The following CERKL variants were observed in gnomAD, a reference collection of about 807,000 sequenced individuals.
CERKL encodes ceramide kinase-like protein.
In CERKL, 61 loss-of-function variants were observed where a neutral mutation model predicts 63.4. The observed-to-expected ratio is 0.96, with a 90% CI of 0.78 to 1.19. The LOEUF is 1.19. Among genes scored for constraint, CERKL ranks in the 50% most tolerant of loss-of-function variants. The pLI is 0.00. For synonymous variants in CERKL, 250 were observed against 230.5 expected, an observed-to-expected ratio of 1.08 and a Z score of -0.77; for missense variants, 675 against 655.5, an observed-to-expected ratio of 1.03 and a Z score of -0.33.
chr2:181,548,492 G>A (rs1687832438), intron 8 of CERKL, 53 bp downstream of exon 8: 1 of 1,263,144 alleles, frequency 7.9e-7, no homozygotes, highest in Admixed American at 1.8e-5. Context: ...TTGTCAGAAT[G>A]TTTTATGCTT....
At chr2:181,624,952 A>G (rs57121978) in intron 1 of CERKL, among the ~76,000 whole-genome samples, 27,268 of 152,148 alleles carry the variant, frequency 0.18, 3,884 homozygotes, top group African/African-American at 0.39. Flanking sequence ...AATTCAGAGG[A>G]GAGGTCTAGA....
At chr2:181,599,925 A>T (rs1008751985) in intron 2 of CERKL, among the ~76,000 whole-genome samples, 1 of 152,178 alleles carries the variant, frequency 6.6e-6, no homozygotes, top group Admixed American at 6.5e-5. Context: ...TCAACACCAA[A>T]GAAAAAATAT....
At chr2:181,576,421 G>A (rs1457002648) in intron 2 of CERKL, among the ~76,000 whole-genome samples, 1 of 152,190 alleles carries the variant, frequency 6.6e-6, no homozygotes, top group Non-Finnish European at 1.5e-5. Context: ...TGTGATTCTT[G>A]ATTGGGTTTT....
chr2:181,641,177 A>T (rs1687404563), intron 1 of CERKL, among the ~76,000 whole-genome samples: 1 of 152,086 alleles, frequency 6.6e-6, no homozygotes. Context: ...CATGAAAAAT[A>T]CAATGATTTC....
At chr2:181,548,912 C>A in intron 6 of CERKL, 55 bp from the exon 7 acceptor site, 1 of 1,503,456 alleles carries the variant, frequency 6.7e-7, no homozygotes, top group Non-Finnish European at 9.2e-7. Context: ...TGTATCAAAA[C>A]AGCAAACATA....
intron 1 of CERKL, among the ~76,000 whole-genome samples, chr2:181,630,089 T>A (rs1470883376): frequency 6.6e-6 from 1 of 151,746 alleles, no homozygotes; most frequent in African/African-American, 2.4e-5. Flanking sequence ...TGAAGTGAAG[T>A]GGTGTGATCT....
At chr2:181,613,028 T>A (rs1452284084) in intron 1 of CERKL, among the ~76,000 whole-genome samples, 3 of 152,194 alleles carry the variant, frequency 2.0e-5, no homozygotes, top group Non-Finnish European at 2.9e-5. Flanking sequence ...TAAGACGTAG[T>A]CTCTTAGTGA....
At chr2:181,626,793 CAG>C (rs773622246) in intron 1 of CERKL, among the ~76,000 whole-genome samples, 13 of 152,300 alleles carry the variant, frequency 8.5e-5, no homozygotes, top group Non-Finnish European at 1.3e-4. Context: ...GCCTTACTAC[CAG>C]AGAGGTCATC....
At chr2:181,568,502 C>T (rs943446493) in intron 3 of CERKL, among the ~76,000 whole-genome samples, 5 of 152,104 alleles carry the variant, frequency 3.3e-5, no homozygotes, top group Non-Finnish European at 7.4e-5. Context: ...CTCCATTTCT[C>T]CCAGCTAATT....
chr2:181,568,484 T>C (rs867180697), intron 3 of CERKL, among the ~76,000 whole-genome samples: 1 of 152,152 alleles, frequency 6.6e-6, no homozygotes, highest in African/African-American at 2.4e-5. Context: ...AATTATGCCA[T>C]AGCATTCCTC....
chr2:181,591,346 T>G (rs1450166289), intron 2 of CERKL, among the ~76,000 whole-genome samples: 1 of 151,978 alleles, frequency 6.6e-6, no homozygotes. Context: ...AACATGTTAA[T>G]GTCCTACATA....
chr2:181,559,605 G>A (rs1688353649), intron 4 of CERKL, among the ~76,000 whole-genome samples: 1 of 152,098 alleles, frequency 6.6e-6, no homozygotes, highest in Non-Finnish European at 1.5e-5. Context: ...ACCCAGATCT[G>A]GTTTTTCTAC....
chr2:181,603,445 A>G (rs1685538991), intron 2 of CERKL, among the ~76,000 whole-genome samples: 1 of 152,204 alleles, frequency 6.6e-6, no homozygotes, highest in African/African-American at 2.4e-5. Context: ...AAAGTCAGAC[A>G]AACAGTACAG....
chr2:181,584,255 T>C (rs1684663218), intron 2 of CERKL, among the ~76,000 whole-genome samples: 1 of 152,084 alleles, frequency 6.6e-6, no homozygotes. Flanking sequence ...CTCACTCCTA[T>C]AATCCCAGCA....
At chr2:181,566,833 C>T (rs1688688458) in intron 3 of CERKL, among the ~76,000 whole-genome samples, 1 of 152,146 alleles carries the variant, frequency 6.6e-6, no homozygotes, top group African/African-American at 2.4e-5. Flanking sequence ...GCATCACAAC[C>T]ACATTTAGCA....
intron 1 of CERKL, among the ~76,000 whole-genome samples, chr2:181,632,165 C>A (rs897709416): frequency 6.6e-6 from 1 of 152,250 alleles, no homozygotes; most frequent in Middle Eastern, 3.4e-3. Flanking sequence ...CTATATCATC[C>A]ATAAACTTTG....
intron 3 of CERKL, among the ~76,000 whole-genome samples, chr2:181,572,636 G>A (rs758512817): frequency 2.5e-4 from 33 of 131,994 alleles, no homozygotes; most frequent in Middle Eastern, 3.6e-3. Flanking sequence ...TAAATAAGCC[G>A]AAGGTCACAA....
intron 3 of CERKL, among the ~76,000 whole-genome samples, chr2:181,572,689 A>G (rs866237785): frequency 6.6e-6 from 1 of 152,084 alleles, no homozygotes; most frequent in African/African-American, 2.4e-5. Context: ...TTTTAATTCA[A>G]AAATTCCTCT....
chr2:181,643,845 C>T (rs1006153278), intron 1 of CERKL, among the ~76,000 whole-genome samples: 3 of 152,158 alleles, frequency 2.0e-5, no homozygotes, highest in Admixed American at 6.5e-5. Flanking sequence ...TTTTCCTTTA[C>T]GGGAAATAAT....
Sources: allele counts gnomAD v4.1 joint callset (sites outside exome capture counted in the v4.1 genomes callset), GRCh38; gene constraint gnomAD v4.1.1; transcripts MANE v1.5; gene names NCBI Gene and HGNC (gene_info 2026-07-23, HGNC 2026-07-21).